Variants in FBN2 observed in about 807,000 individuals in gnomAD.
FBN2 encodes the protein fibrillin 2.
Under a neutral mutation model 355.6 loss-of-function variants are expected in FBN2, and 105 were observed. The observed-to-expected ratio is 0.30, with a 90% CI of 0.25 to 0.35. FBN2 has a LOEUF of 0.35. Among genes scored for constraint, FBN2 ranks in the 10% least tolerant of loss-of-function variants. The pLI is 1.00. For synonymous variants in FBN2, 1,350 were observed against 1,301.2 expected (o/e 1.04, Z -0.81); for missense variants, 3,280 against 3,758.7 (o/e 0.87, Z 3.33).
chr5:128,348,576 C>A (rs905714660), intron 23 of FBN2, among the ~76,000 whole-genome samples: 1 of 151,942 alleles, frequency 6.6e-6, no homozygotes, highest in African/African-American at 2.4e-5. Context: ...ATTGCATACA[C>A]CACCACTATT....
chr5:128,296,436 G>T (rs921740547), intron 48 of FBN2, among the ~76,000 whole-genome samples: 1 of 151,678 alleles, frequency 6.6e-6, no homozygotes, highest in African/African-American at 2.4e-5. Flanking sequence ...TTGTACCTCT[G>T]GTAGAATTCG....
chr5:128,384,479 G>A (rs1012591696), intron 11 of FBN2, among the ~76,000 whole-genome samples: 15 of 152,032 alleles, frequency 9.9e-5, no homozygotes, highest in Admixed American at 7.9e-4. Flanking sequence ...AATAAAGCTA[G>A]TTTAAAAATC....
chr5:128,319,882 G>T (rs550413204), intron 34 of FBN2, among the ~76,000 whole-genome samples: 44 of 152,270 alleles, frequency 2.9e-4, no homozygotes, highest in African/African-American at 1.0e-3. Context: ...TATATAAATT[G>T]CCTAACACTC....
chr5:128,494,692 G>A (rs1399960001), intron 5 of FBN2, among the ~76,000 whole-genome samples: 1 of 152,192 alleles, frequency 6.6e-6, no homozygotes, highest in Admixed American at 6.5e-5. Flanking sequence ...CTGGGCACAT[G>A]TTCAAGACTG....
intron 34 of FBN2, among the ~76,000 whole-genome samples, chr5:128,321,997 AGAT>A (rs1421499202): frequency 2.6e-5 from 4 of 152,192 alleles, no homozygotes; most frequent in African/African-American, 9.7e-5. Context: ...AACTGGCATG[AGAT>A]GATATCTCAT....
intron 5 of FBN2, among the ~76,000 whole-genome samples, chr5:128,512,894 C>A (rs948519142): frequency 6.6e-6 from 1 of 151,984 alleles, no homozygotes; most frequent in South Asian, 2.1e-4. Context: ...TATTGGATGC[C>A]AGGCATTATA....
intron 45 of FBN2, 101 bp downstream of exon 45, chr5:128,304,856 C>A: frequency 6.8e-7 from 1 of 1,468,374 alleles, no homozygotes; most frequent in South Asian, 1.2e-5. Flanking sequence ...AAGATTGTTT[C>A]TGACAGAGAC....
chr5:128,331,006 T>C (rs1750676820), intron 32 of FBN2, among the ~76,000 whole-genome samples: 3 of 152,230 alleles, frequency 2.0e-5, no homozygotes, highest in Admixed American at 2.0e-4. Flanking sequence ...GTGGTTTCCT[T>C]ATCAGTAGAA....
intron 15 of FBN2, among the ~76,000 whole-genome samples, chr5:128,374,050 A>T (rs1224327117): frequency 6.6e-6 from 1 of 152,104 alleles, no homozygotes; most frequent in Admixed American, 6.6e-5. Flanking sequence ...ATTAATTATA[A>T]AACTGAAATG....
At chr5:128,503,471 C>A (rs1411812875) in intron 5 of FBN2, among the ~76,000 whole-genome samples, 1 of 152,176 alleles carries the variant, frequency 6.6e-6, no homozygotes, top group Non-Finnish European at 1.5e-5. Flanking sequence ...AAGTTTGGAA[C>A]TTCCTGGAGA....
chr5:128,336,154 A>G, intron 27 of FBN2, 41 bp from the exon 28 acceptor site: 1 of 1,605,208 alleles, frequency 6.2e-7, no homozygotes, highest in Admixed American at 1.7e-5. Flanking sequence ...CACAATGTCC[A>G]CTCACTAAAG....
intron 34 of FBN2, among the ~76,000 whole-genome samples, chr5:128,324,240 C>A (rs1310143798): frequency 6.6e-6 from 1 of 152,168 alleles, no homozygotes; most frequent in Non-Finnish European, 1.5e-5. Context: ...AGAAAACCAG[C>A]TCCTGGATTC....
Position 128,339,077 on chromosome 5 carries a change from T to G in FBN2, c.3344-16A>C. The G allele has an allele frequency of 6.2e-7, 1 of 1,613,296 alleles. No individual in the cohort carries two copies. The highest frequency in any genetic ancestry group is 8.5e-7 in the Non-Finnish European group (1 of 1,179,394). On this transcript the variant is annotated splice_polypyrimidine_tract_variant and intron_variant, in intron 25 of 64. Coordinates refer to ENST00000262464, the MANE Select transcript of FBN2 (RefSeq NM_001999.4). ...TCGTCGATGTCTAATTCACAGGGTT[T>G]AAAAGAAATTTAAAAATTGAATGAG...
chr5:128,269,323 C>A (rs540083830), intron 62 of FBN2, among the ~76,000 whole-genome samples: 116 of 148,594 alleles, frequency 7.8e-4, no homozygotes, highest in African/African-American at 1.9e-3. Context: ...TAATAATTAA[C>A]CAGGCATGGT....
chr5:128,355,952 T>C (rs1751488890), intron 20 of FBN2, among the ~76,000 whole-genome samples: 1 of 152,174 alleles, frequency 6.6e-6, no homozygotes, highest in Non-Finnish European at 1.5e-5. Flanking sequence ...ATAATGGAAG[T>C]CTACATGATG....
intron 46 of FBN2, among the ~76,000 whole-genome samples, chr5:128,302,706 T>C (rs1340547728): frequency 3.9e-5 from 6 of 152,182 alleles, no homozygotes; most frequent in Non-Finnish European, 7.4e-5. Context: ...TCAGTCCAAA[T>C]ATGTTTACTG....
intron 9 of FBN2, among the ~76,000 whole-genome samples, chr5:128,394,266 G>A (rs1383337491): frequency 6.6e-6 from 1 of 152,078 alleles, no homozygotes; most frequent in East Asian, 1.9e-4. Context: ...ATATCTTTAT[G>A]TGAGAAACAT....
intron 11 of FBN2, among the ~76,000 whole-genome samples, chr5:128,382,376 A>G (rs927271533): frequency 6.6e-6 from 1 of 152,048 alleles, no homozygotes; most frequent in African/African-American, 2.4e-5. Context: ...GAGTTGAGCT[A>G]GACTAAGGGC....
intron 7 of FBN2, among the ~76,000 whole-genome samples, chr5:128,438,137 A>T (rs1206372587): frequency 1.3e-5 from 2 of 152,156 alleles, no homozygotes; most frequent in Non-Finnish European, 2.9e-5. Context: ...GACCACATGC[A>T]CATACTACCA....
Sources: allele counts gnomAD v4.1 joint callset (sites outside exome capture counted in the v4.1 genomes callset), GRCh38; gene constraint gnomAD v4.1.1; transcripts MANE v1.5; gene names NCBI Gene and HGNC (gene_info 2026-07-23, HGNC 2026-07-21).